The following UNC13C variants were observed in gnomAD, a reference collection of about 807,000 sequenced individuals.
UNC13C encodes protein unc-13 homolog C.
UNC13C carries 174 observed loss-of-function variants against 245.4 expected under a neutral mutation model. That is an observed-to-expected ratio of 0.71 (90% CI 0.63 to 0.80). The LOEUF (loss-of-function observed/expected upper bound fraction) is 0.80. UNC13C is among the 30% of genes least tolerant of loss of function. UNC13C has a pLI of 0.00. For missense variants in UNC13C, 2,829 were observed against 2,602.9 expected (o/e 1.09, Z -1.89); for synonymous variants, 992 against 895.1 (o/e 1.11, Z -1.93).
intron 31 of UNC13C, among the ~76,000 whole-genome samples, chr15:54,622,774 C>T (rs548449436): frequency 5.3e-4 from 81 of 152,210 alleles, no homozygotes; most frequent in African/African-American, 1.9e-3. Flanking sequence ...TATATGATTT[C>T]CAACAACTGG....
intron 30 of UNC13C, among the ~76,000 whole-genome samples, chr15:54,614,951 T>A (rs1309093820): frequency 6.6e-6 from 1 of 152,086 alleles, no homozygotes; most frequent in Non-Finnish European, 1.5e-5. Flanking sequence ...TCCAGTGAGT[T>A]CTGAAGATAG....
intron 4 of UNC13C, among the ~76,000 whole-genome samples, chr15:54,194,843 T>C (rs1233681603): frequency 6.6e-6 from 1 of 152,148 alleles, no homozygotes; most frequent in Non-Finnish European, 1.5e-5. Flanking sequence ...TTAAAATATT[T>C]ATTTTTGAAA....
chr15:54,260,160 G>T (rs977005235), intron 8 of UNC13C, among the ~76,000 whole-genome samples: 1 of 152,136 alleles, frequency 6.6e-6, no homozygotes, highest in African/African-American at 2.4e-5. Flanking sequence ...GTAGCATAAG[G>T]AATGGACATA....
chr15:54,600,337 A>G (rs1037608349), intron 30 of UNC13C, among the ~76,000 whole-genome samples: 1 of 152,152 alleles, frequency 6.6e-6, no homozygotes, highest in African/African-American at 2.4e-5. Flanking sequence ...TAATGGAGGC[A>G]TATGATTTCG....
intron 10 of UNC13C, among the ~76,000 whole-genome samples, chr15:54,293,234 G>A (rs149514291): frequency 2.6e-5 from 4 of 151,880 alleles, no homozygotes; most frequent in African/African-American, 7.2e-5. Context: ...AAGAAGCCTA[G>A]GGAAGAGTGT....
intron 4 of UNC13C, among the ~76,000 whole-genome samples, chr15:54,195,529 C>G (rs550619971): frequency 6.6e-6 from 1 of 152,194 alleles, no homozygotes; most frequent in East Asian, 1.9e-4. Context: ...AGAAGCAGCG[C>G]CTTTTGCACC....
At chr15:53,883,694 G>A in the UNC13C span, among the ~76,000 whole-genome samples, 9 of 152,026 alleles carry the variant, frequency 5.9e-5, no homozygotes, top group African/African-American at 9.7e-5. Flanking sequence ...TATATAATAC[G>A]AATGGTTATT....
chr15:54,197,536 G>T (rs1433512455), intron 4 of UNC13C, among the ~76,000 whole-genome samples: 1 of 152,018 alleles, frequency 6.6e-6, no homozygotes, highest in East Asian at 1.9e-4. Flanking sequence ...AAACTCAATT[G>T]CATGATTACA....
At chr15:53,955,513 A>G in the UNC13C span, among the ~76,000 whole-genome samples, 3 of 152,220 alleles carry the variant, frequency 2.0e-5, no homozygotes, top group African/African-American at 7.2e-5. Context: ...GTAGGTAATT[A>G]GAGCAATCTA....
intron 4 of UNC13C, among the ~76,000 whole-genome samples, chr15:54,214,852 A>G (rs1257051496): frequency 1.3e-5 from 2 of 151,974 alleles, no homozygotes; most frequent in East Asian, 3.9e-4. Context: ...CATATTTACT[A>G]CAGCTTTGAA....
chr15:53,955,722 T>C, the UNC13C span: 2 of 152,174 alleles, frequency 1.3e-5, no homozygotes, highest in Admixed American at 6.5e-5. Flanking sequence ...ATCTGGAGGC[T>C]TTAAACATGC....
chr15:54,003,814 C>T (rs1229703974), intron 1 of UNC13C, among the ~76,000 whole-genome samples: 3 of 152,080 alleles, frequency 2.0e-5, no homozygotes, highest in Non-Finnish European at 4.4e-5. Context: ...AGATCGAGAC[C>T]ATCCTGGCTA....
At chr15:54,453,311 G>A (rs973769596) in intron 19 of UNC13C, among the ~76,000 whole-genome samples, 1 of 152,096 alleles carries the variant, frequency 6.6e-6, no homozygotes, top group Admixed American at 6.5e-5. Context: ...AGGCTACCTT[G>A]CTTCTCTGTC....
intron 4 of UNC13C, among the ~76,000 whole-genome samples, chr15:54,165,762 A>G (rs1444688188): frequency 6.6e-6 from 1 of 152,068 alleles, no homozygotes; most frequent in African/African-American, 2.4e-5. Flanking sequence ...TGTCCTCAAC[A>G]TACATTTTAT....
the UNC13C span, among the ~76,000 whole-genome samples, chr15:53,852,868 TG>T: frequency 2.0e-5 from 3 of 152,278 alleles, no homozygotes; most frequent in South Asian, 4.1e-4. Flanking sequence ...CCTGTTTATT[TG>T]GGTAGCTAAT....
intron 28 of UNC13C, among the ~76,000 whole-genome samples, chr15:54,551,247 C>A (rs1027587902): frequency 2.6e-5 from 4 of 152,084 alleles, no homozygotes; most frequent in African/African-American, 4.8e-5. Context: ...TCTGCTCTCA[C>A]ATCCTTTGAT....
chr15:53,918,363 T>G, the UNC13C span, among the ~76,000 whole-genome samples: 1 of 152,158 alleles, frequency 6.6e-6, no homozygotes, highest in Non-Finnish European at 1.5e-5. Context: ...CAGATTTTTT[T>G]TTTCTCACTC....
chr15:54,087,716 C>T (rs1021130243), intron 2 of UNC13C, among the ~76,000 whole-genome samples: 3 of 152,008 alleles, frequency 2.0e-5, no homozygotes, highest in Admixed American at 6.5e-5. Context: ...GTCTATGATG[C>T]AAAAGAGGAT....
chr15:54,125,321 G>A (rs1341723311), intron 2 of UNC13C, among the ~76,000 whole-genome samples: 2 of 152,086 alleles, frequency 1.3e-5, no homozygotes, highest in African/African-American at 4.8e-5. Context: ...AAATTAGCCT[G>A]GCATGGTGGT....
Sources: allele counts gnomAD v4.1 joint callset (sites outside exome capture counted in the v4.1 genomes callset), GRCh38; gene constraint gnomAD v4.1.1; transcripts MANE v1.5; gene names NCBI Gene and HGNC (gene_info 2026-07-23, HGNC 2026-07-21).